JCHAIN: variants seen among roughly 807,000 people sequenced by gnomAD.
The protein encoded by JCHAIN is joining chain of multimeric IgA and IgM.
A neutral mutation model predicts 11.1 loss-of-function variants in JCHAIN; 5 were observed. The observed-to-expected ratio is 0.45, with a 90% CI of 0.24 to 0.95. The LOEUF (loss-of-function observed/expected upper bound fraction) is 0.95. Ranked by LOEUF, JCHAIN falls within the 40% of genes least tolerant of loss-of-function variation. The probability of loss-of-function intolerance (pLI) is 0.21; values close to 1 mark genes in which losing one functional copy is unlikely to be tolerated. For synonymous variants in JCHAIN, 51 were observed against 67.8 expected (o/e 0.75, Z 1.22); for missense variants, 165 against 192.7 (o/e 0.86, Z 0.85).
At chr4:70,661,917 CT>C (rs1208259447) in intron 2 of JCHAIN, among the ~76,000 whole-genome samples, 174 bp downstream of exon 2, 4 of 152,210 alleles carry the variant, frequency 2.6e-5, no homozygotes, top group Admixed American at 6.5e-5. Context: ...ATTCTTACCC[CT>C]AATTTCAATA....
chr4:70,662,360 A>C, intron 1 of JCHAIN, 145 bp from the exon 2 acceptor site: 1 of 677,144 alleles, frequency 1.5e-6, no homozygotes, highest in Non-Finnish European at 2.4e-6. Context: ...TCTAAGCAGA[A>C]TCTTACATCA....
rs368613232 is a variant in JCHAIN, at chr4:70,662,958, CA to C, written c.65-744del. On this transcript the variant is annotated intron_variant, in intron 1 of 3. Transcript: ENST00000254801. Reference sequence around the variant, plus strand: ...TGGGCAACAGAGTGAGACTTCATCTCAAAAAAAAAAGGAAAAAAAGAATTAT... The same window carrying C: ...TGGGCAACAGAGTGAGACTTCATCTCAAAAAAAAAGGAAAAAAAGAATTAT... Among the ~76,000 whole-genome samples the C allele has an allele frequency of 4.4e-3, 551 of 125,894 alleles. 2 individuals carry two copies. Among genetic ancestry groups the C allele is most frequent in the Middle Eastern group, 0.014 (3 of 208 alleles). 82.6% of individuals were successfully genotyped at this position (125,894 alleles called of 152,430 possible).
At chr4:70,659,930 G>C (rs567464665) in intron 2 of JCHAIN, among the ~76,000 whole-genome samples, 6 of 152,102 alleles carry the variant, frequency 3.9e-5, no homozygotes, top group Middle Eastern at 3.4e-3. Context: ...TATACTTTCA[G>C]AAATCAGAAC....
intron 1 of JCHAIN, among the ~76,000 whole-genome samples, 178 bp from the exon 2 acceptor site, chr4:70,662,393 C>T (rs541924796): frequency 1.3e-5 from 2 of 152,270 alleles, no homozygotes; most frequent in East Asian, 3.9e-4. Context: ...TCCAAAGGTA[C>T]TCTAAAAGGG....
rs79589978 is a variant in JCHAIN, at chr4:70,656,566, A to T, written c.270-27T>A. Reference sequence around the variant, plus strand: ...TGAAAAGCAAATATATGTATTAGACAATCCCCTCAAATGCTGTCTCAAAAT... The same window carrying T: ...TGAAAAGCAAATATATGTATTAGACTATCCCCTCAAATGCTGTCTCAAAAT... On this transcript the variant is annotated intron_variant, in intron 3 of 3. Coordinates refer to ENST00000254801, the MANE Select transcript of JCHAIN (RefSeq NM_144646.4). 90 of 1,511,416 alleles carry T rather than the reference A, an allele frequency of 6.0e-5. 1 individual carries two copies. In the East Asian group the frequency reaches 9.0e-4, roughly 15 times the overall value. The allele number at this position is 1,511,416 out of a possible 1,614,324, so 93.6% of individuals were successfully genotyped here.
Position 70,656,214 on chromosome 4 carries a change from CAAA to C in JCHAIN, c.*112_*114del, listed in dbSNP as rs75422156. On this transcript the variant is annotated 3_prime_UTR_variant, in exon 4 of 4. Coordinates refer to ENST00000254801, the MANE Select transcript of JCHAIN (RefSeq NM_144646.4). ...GGCAGGGAGTTGGTTTTACATCACCCAAAAAAAAAAAAAAGCCCTGGTTTCAAA... is the reference window on the plus strand; with the variant it reads ...GGCAGGGAGTTGGTTTTACATCACCCAAAAAAAAAAAGCCCTGGTTTCAAA... The C allele has an allele frequency of 1.3e-3, 781 of 593,128 alleles. No homozygotes were observed. Among genetic ancestry groups the C allele is most frequent in the South Asian group, 2.6e-3 (113 of 43,250 alleles). 36.7% of individuals were successfully genotyped at this position (593,128 alleles called of 1,614,324 possible). A position where few individuals can be genotyped will look rare whatever the true frequency, so the allele number is the denominator to read the frequency against.
intron 1 of JCHAIN, among the ~76,000 whole-genome samples, chr4:70,663,750 C>T (rs967752698): frequency 4.7e-5 from 7 of 147,944 alleles, no homozygotes; most frequent in African/African-American, 7.5e-5. Flanking sequence ...TAGTAGAGAC[C>T]GAGTTTCACC....
At position 70,662,141 on chromosome 4, in the gene JCHAIN, A is replaced by G. The variant is rs1045513987; in HGVS notation, c.139T>C (p.Ser47Pro). 4.3e-6 allele frequency: 7 copies of G among 1,612,532 alleles called. No individual in the cohort carries two copies. In the African/African-American group the frequency reaches 5.3e-5, roughly 12 times the overall value. ...CARITSRIIR[S>P]SEDPNEDIVE... ...ATGTCCTCATTAGGATCTTCGGAAG[A>G]ACGGATGATCCTGGAAGTAATCCGG... is the stretch of plus-strand genomic sequence containing the variant. Residue 47 changes from serine to proline, a missense_variant, in exon 2 of 4, where the codon TCT (serine) becomes CCT (proline). Coordinates refer to ENST00000254801, the MANE Select transcript of JCHAIN (RefSeq NM_144646.4).
chr4:70,662,008 C>T lies in JCHAIN; in HGVS notation c.188+84G>A. ...CACAGCAAAAAGGGGAGTAAAGAGG[C>T]AGGTGTTACATTCAAACAATGCTCA... On this transcript the variant is annotated intron_variant, in intron 2 of 3. Coordinates refer to ENST00000254801, the MANE Select transcript of JCHAIN (RefSeq NM_144646.4). 3 of 1,301,648 alleles carry T rather than the reference C, an allele frequency of 2.3e-6. No homozygotes were observed. In the Middle Eastern group the frequency reaches 5.6e-4, roughly 244 times the overall value. 80.6% of individuals were successfully genotyped at this position (1,301,648 alleles called of 1,614,324 possible). A position where few individuals can be genotyped will look rare whatever the true frequency, so the allele number is the denominator to read the frequency against.
chr4:70,661,143 G>C (rs1219203622), intron 2 of JCHAIN, among the ~76,000 whole-genome samples: 1 of 152,130 alleles, frequency 6.6e-6, no homozygotes, highest in East Asian at 1.9e-4. Context: ...CTTTCTATAG[G>C]AGATTTGATT....
At position 70,662,165 on chromosome 4, in the gene JCHAIN, G is replaced by C; in HGVS notation, c.115C>G (p.Arg39Gly). 1 of 1,612,614 alleles carries C rather than the reference G, an allele frequency of 6.2e-7. No individual in the cohort carries two copies. Among genetic ancestry groups the C allele is most frequent in the Non-Finnish European group, 8.5e-7 (1 of 1,178,676 alleles). Residue 39 changes from arginine (R) to glycine (G), a missense_variant, in exon 2 of 4, where the codon CGG becomes GGG. Transcript: ENST00000254801. ...VLVDNKCKCA[R>G]ITSRIIRSSE... is the part of the protein sequence containing the mutation. ...GAACGGATGATCCTGGAAGTAATCC[G>C]GGCACACTTACATTTGTTGTCAACA...
In JCHAIN at chr4:70,659,178, TA is replaced by T. The variant is rs572690744; in HGVS notation, c.189-1888del. 6.0e-4 allele frequency among the ~76,000 whole-genome samples: 91 copies of T among 152,284 alleles called. 1 individual carries two copies. Among genetic ancestry groups the T allele is most frequent in the Admixed American group, 5.8e-3 (89 of 15,300 alleles). ...ATACATGCATAATTATCCCTTTTTT[TA>T]AAGTTTAGGAAAAAGGCTAGTTAAG... On this transcript the variant is annotated intron_variant, in intron 2 of 3. Transcript: ENST00000254801.
At chr4:70,657,559 TC>T (rs1738972678) in intron 2 of JCHAIN, among the ~76,000 whole-genome samples, 1 of 152,188 alleles carries the variant, frequency 6.6e-6, no homozygotes, top group Non-Finnish European at 1.5e-5. Context: ...AAAACTCAAC[TC>T]ACGTTTTACC....
intron 1 of JCHAIN, 107 bp from the exon 2 acceptor site, chr4:70,662,322 G>T: frequency 2.0e-6 from 2 of 981,232 alleles, no homozygotes; most frequent in Non-Finnish European, 1.5e-6. Flanking sequence ...TTTTATGGTT[G>T]GTTTGTCTCA....
At chr4:70,664,946 C>A (rs1739125244) in intron 1 of JCHAIN, among the ~76,000 whole-genome samples, 1 of 152,074 alleles carries the variant, frequency 6.6e-6, no homozygotes, top group Non-Finnish European at 1.5e-5. Context: ...TTCAATTCAC[C>A]AAGACTTAGA....
chr4:70,660,378 ATTTT>A lies in JCHAIN; in HGVS notation c.188+1710_188+1713del, dbSNP rs11290121. Among the ~76,000 whole-genome samples, 523 of 134,182 alleles carry A rather than the reference ATTTT, an allele frequency of 3.9e-3. 6 individuals are homozygous for A. Among genetic ancestry groups the A allele is most frequent in the African/African-American group, 0.014 (504 of 35,408 alleles). The allele number at this position is 134,182 out of a possible 152,430, so 88.0% of individuals were successfully genotyped here. On this transcript the variant is annotated intron_variant, in intron 2 of 3. Coordinates refer to ENST00000254801, the MANE Select transcript of JCHAIN (RefSeq NM_144646.4). ...AATAGAGACACTACAGCAGTGCTGA[ATTTT>A]TTTTTTTTTTTTTTTTTGAGAAAGT...
chr4:70,666,277 G>A, intron 1 of JCHAIN, 150 bp downstream of exon 1: 1 of 588,466 alleles, frequency 1.7e-6, no homozygotes. Context: ...TCTATGTAAA[G>A]ACAACTGCCA....
At position 70,655,946 on chromosome 4, in the gene JCHAIN, A is replaced by G. The variant is rs2148527074; in HGVS notation, c.*383T>C. Reference sequence around the variant, plus strand: ...TCTGGCTCTCCAAGGCAAAGTCAAAAAAAAAAAAAAAAGCGGGGGGGAATG... The same window carrying G: ...TCTGGCTCTCCAAGGCAAAGTCAAAGAAAAAAAAAAAAGCGGGGGGGAATG... On this transcript the variant is annotated 3_prime_UTR_variant, in exon 4 of 4. Coordinates refer to ENST00000254801, the MANE Select transcript of JCHAIN (RefSeq NM_144646.4). 6.5e-6 allele frequency: 1 copy of G among 154,410 alleles called. No homozygotes were observed. The highest frequency in any genetic ancestry group is 2.0e-4 in the South Asian group (1 of 5,014). The allele number at this position is 154,410 out of a possible 1,614,324, so 9.6% of individuals were successfully genotyped here. A position where few individuals can be genotyped will look rare whatever the true frequency, so the allele number is the denominator to read the frequency against.
At chr4:70,660,225 C>T (rs544579744) in intron 2 of JCHAIN, among the ~76,000 whole-genome samples, 5 of 152,208 alleles carry the variant, frequency 3.3e-5, no homozygotes, top group African/African-American at 1.2e-4. Flanking sequence ...CAAAGAAAAC[C>T]TCCTAGAGGA....
Sources: gnomAD v4.1 joint callset for allele counts (sites outside exome capture counted in the v4.1 genomes callset) on GRCh38, gnomAD v4.1.1 for gene constraint, MANE v1.5 for transcripts, NCBI Gene and HGNC (gene_info 2026-07-23, HGNC 2026-07-21) for gene names.